Variants in FEZ2 observed in about 807,000 individuals in gnomAD.
FEZ2 encodes fasciculation and elongation protein zeta-2.
In FEZ2, 51 loss-of-function variants were observed where a neutral mutation model predicts 40.4. That is an observed-to-expected ratio of 1.26 (90% CI 1.01 to 1.59). FEZ2 has a LOEUF of 1.59. Among genes scored for constraint, FEZ2 ranks in the 40% most tolerant of loss-of-function variants. The pLI is 0.00. For missense variants in FEZ2, 640 were observed against 438.3 expected (o/e 1.46, Z -4.11); for synonymous variants, 242 against 172.0 (o/e 1.41, Z -3.18).
chr2:36,557,079 T>C (rs980518251), intron 6 of FEZ2: 1 of 152,242 alleles, frequency 6.6e-6, no homozygotes, highest in Non-Finnish European at 1.5e-5. Context: ...GCAATATTTA[T>C]GTTCCCTTCT....
chr2:36,568,281 C>T (rs895817039), intron 5 of FEZ2, among the ~76,000 whole-genome samples: 1 of 151,986 alleles, frequency 6.6e-6, no homozygotes, highest in African/African-American at 2.4e-5. Flanking sequence ...AAAGCGCCAA[C>T]AGAACTAAGT....
At chr2:36,597,787 G>T in intron 1 of FEZ2, 90 bp downstream of exon 1, 1 of 995,774 alleles carries the variant, frequency 1.0e-6, no homozygotes. Flanking sequence ...CGGAAGGAGG[G>T]CGCAGGGAGG....
intron 1 of FEZ2, 101 bp downstream of exon 1, chr2:36,597,776 G>A (rs1669272916): frequency 2.2e-6 from 2 of 915,962 alleles, no homozygotes; most frequent in Non-Finnish European, 2.9e-6. Context: ...CCGCGTCCGG[G>A]CGGAAGGAGG....
intron 2 of FEZ2, among the ~76,000 whole-genome samples, chr2:36,588,298 G>T (rs1453939818): frequency 1.3e-5 from 2 of 152,130 alleles, no homozygotes; most frequent in Non-Finnish European, 2.9e-5. Context: ...AAAGTGCTGG[G>T]ATTACAGGCA....
chr2:36,552,886 TGCACATGCAC>T lies in FEZ2; in HGVS notation c.*267_*276del. On this transcript the variant is annotated 3_prime_UTR_variant, in exon 8 of 8. Transcript: ENST00000405912. The stretch of plus-strand genomic sequence containing the variant: ...ACTGTCAGTTAATGAGAAATACAAC[TGCACATGCAC>T]AATTAATATTACTCTCTCTTAATCT... The T allele has an allele frequency of 2.5e-6, 1 of 392,560 alleles. No homozygotes were observed. The highest frequency in any genetic ancestry group is 4.2e-5 in the Admixed American group (1 of 23,778). The allele number at this position is 392,560 out of a possible 1,614,324, so 24.3% of individuals were successfully genotyped here. A position where few individuals can be genotyped will look rare whatever the true frequency, so the allele number is the denominator to read the frequency against.
chr2:36,595,185 G>A lies in FEZ2; in HGVS notation c.266+2692C>T, dbSNP rs374158515. 2.6e-5 allele frequency among the ~76,000 whole-genome samples: 4 copies of A among 152,120 alleles called. No homozygotes were observed. In the East Asian group the frequency reaches 5.8e-4, roughly 22 times the overall value. On this transcript the variant is annotated intron_variant, in intron 1 of 7. Coordinates refer to ENST00000405912, the MANE Select transcript of FEZ2 (RefSeq NM_005102.3). ...TCAGAGAAGTTAAATGAAGTGCCAA[G>A]GGTCGGGGAGGGCTTTGGGGTGATT...
intron 6 of FEZ2, chr2:36,555,992 C>T (rs57549476): frequency 3.1e-5 from 19 of 620,240 alleles, no homozygotes; most frequent in Admixed American, 3.0e-4. Context: ...AGTTGCTTCC[C>T]TGATTTAAAA....
intron 1 of FEZ2, among the ~76,000 whole-genome samples, chr2:36,593,142 C>T (rs528065476): frequency 6.6e-6 from 1 of 152,046 alleles, no homozygotes; most frequent in Non-Finnish European, 1.5e-5. Context: ...AAGACTGGGA[C>T]GAAAAAGAGG....
chr2:36,573,395 A>G (rs1255343228), intron 5 of FEZ2, among the ~76,000 whole-genome samples: 4 of 152,250 alleles, frequency 2.6e-5, no homozygotes, highest in African/African-American at 9.6e-5. Context: ...CTATTCTTGT[A>G]TTCATGAGAA....
chr2:36,560,745 GA>G, intron 5 of FEZ2: 1 of 1,295,654 alleles, frequency 7.7e-7, no homozygotes, highest in South Asian at 1.2e-5. Context: ...CACAGAAAAT[GA>G]AAAAGCAGAG....
At chr2:36,567,590 C>A (rs980261449) in intron 5 of FEZ2, among the ~76,000 whole-genome samples, 15 of 151,958 alleles carry the variant, frequency 9.9e-5, no homozygotes, top group Non-Finnish European at 1.0e-4. Context: ...GGTGAAACCT[C>A]ATCTCTACTA....
intron 5 of FEZ2, among the ~76,000 whole-genome samples, chr2:36,560,359 A>T (rs1668060526): frequency 6.6e-6 from 1 of 152,232 alleles, no homozygotes; most frequent in Non-Finnish European, 1.5e-5. Flanking sequence ...TTTTTGACCT[A>T]GAACTCTAGT....
chr2:36,572,033 A>G (rs2540982), intron 5 of FEZ2, among the ~76,000 whole-genome samples: 1 of 130,518 alleles, frequency 7.7e-6, no homozygotes, highest in Admixed American at 8.1e-5. Context: ...AAAAAAAAAA[A>G]AAAAAAAAAA....
At chr2:36,557,020 T>G (rs1667975931) in intron 6 of FEZ2, 1 of 152,216 alleles carries the variant, frequency 6.6e-6, no homozygotes, top group South Asian at 2.1e-4. Context: ...ATGAAGTATT[T>G]GTTCTTGATC....
intron 5 of FEZ2, among the ~76,000 whole-genome samples, chr2:36,566,654 A>G (rs887714495): frequency 2.6e-5 from 4 of 152,334 alleles, no homozygotes; most frequent in Middle Eastern, 6.8e-3. Flanking sequence ...GAAACCAGGA[A>G]TCATAGCTCA....
intron 3 of FEZ2, 171 bp from the exon 4 acceptor site, chr2:36,581,602 A>C (rs1668751155): frequency 1.7e-6 from 1 of 588,956 alleles, no homozygotes; most frequent in Non-Finnish European, 3.1e-6. Flanking sequence ...TGTAGGAGTG[A>C]ACATGGTTTA....
At position 36,576,953 on chromosome 2, in the gene FEZ2, T is replaced by C. The variant is rs141345323; in HGVS notation, c.903+1644A>G. ...TTTACATGTAATCCCTAAAAGCAAA[T>C]AGGCAGAAATTACCAACCATGCTAT... On this transcript the variant is annotated intron_variant, in intron 5 of 7. Coordinates refer to ENST00000405912, the MANE Select transcript of FEZ2 (RefSeq NM_005102.3). 1.8e-3 allele frequency among the ~76,000 whole-genome samples: 277 copies of C among 152,278 alleles called. 2 individuals carry two copies. The highest frequency in any genetic ancestry group is 6.5e-3 in the African/African-American group (271 of 41,556).
intron 5 of FEZ2, among the ~76,000 whole-genome samples, chr2:36,576,817 A>G (rs1668585553): frequency 6.6e-6 from 1 of 152,224 alleles, no homozygotes; most frequent in Admixed American, 6.5e-5. Flanking sequence ...AAATTACACA[A>G]TAGATTTACT....
intron 4 of FEZ2, among the ~76,000 whole-genome samples, chr2:36,579,686 T>TAGCCAATTA (rs1279990434): frequency 5.3e-5 from 8 of 152,142 alleles, no homozygotes; most frequent in Non-Finnish European, 1.2e-4. Context: ...GTGGAACCAT[T>TAGCCAATTA]AGCCAATTAA....
Sources: allele counts gnomAD v4.1 joint callset (sites outside exome capture counted in the v4.1 genomes callset), GRCh38; gene constraint gnomAD v4.1.1; transcripts MANE v1.5; gene names NCBI Gene and HGNC (gene_info 2026-07-23, HGNC 2026-07-21).